SSPN: variants seen among roughly 807,000 people sequenced by gnomAD.
The protein encoded by SSPN is K-ras oncogene-associated protein.
In SSPN, 15 loss-of-function variants were observed where a neutral mutation model predicts 19.1. The observed-to-expected ratio is 0.78, with a 90% confidence interval of 0.52 to 1.21. The LOEUF (loss-of-function observed/expected upper bound fraction) is 1.21. Ranked by LOEUF, SSPN falls within the 50% of genes most tolerant of loss-of-function variation. The probability of loss-of-function intolerance (pLI) is 0.00; values close to 1 mark genes in which losing one functional copy is unlikely to be tolerated. For missense variants in SSPN, 291 were observed against 314.0 expected (o/e 0.93, Z 0.55); for synonymous variants, 147 against 140.3 (o/e 1.05, Z -0.34).
At chr12:26,137,656 A>ATATATATATATT (rs1377562695) in intron 1 of SSPN, among the ~76,000 whole-genome samples, 1 of 76,438 alleles carries the variant, frequency 1.3e-5, no homozygotes, top group Non-Finnish European at 2.2e-5. Context: ...ATATATATAT[A>ATATATATATATT]TTTTTTTTTT....
chr12:26,215,834 TG>T (rs942682615), intron 1 of SSPN, among the ~76,000 whole-genome samples: 1 of 152,208 alleles, frequency 6.6e-6, no homozygotes, highest in Non-Finnish European at 1.5e-5. Flanking sequence ...AATGAAGACA[TG>T]GGGATTTCTC....
intron 1 of SSPN, among the ~76,000 whole-genome samples, chr12:26,201,042 T>A (rs1326253193): frequency 1.1e-3 from 58 of 50,656 alleles, no homozygotes; most frequent in South Asian, 4.6e-3. Context: ...TATATATATA[T>A]ATATTATATA....
intron 1 of SSPN, among the ~76,000 whole-genome samples, chr12:26,172,801 C>A (rs1455169689): frequency 2.7e-5 from 4 of 150,554 alleles, no homozygotes; most frequent in Non-Finnish European, 4.4e-5. Flanking sequence ...CTTGCTCTGT[C>A]GCCAGGCTGG....
chr12:26,185,519 C>G (rs1944747937), intron 1 of SSPN, among the ~76,000 whole-genome samples: 1 of 152,146 alleles, frequency 6.6e-6, no homozygotes, highest in Non-Finnish European at 1.5e-5. Context: ...GATTATACCT[C>G]TACCCCCCTG....
At chr12:26,230,478 G>T (rs1231530150) in intron 2 of SSPN, among the ~76,000 whole-genome samples, 1 of 152,086 alleles carries the variant, frequency 6.6e-6, no homozygotes, top group Non-Finnish European at 1.5e-5. Context: ...TCTTGAAAAG[G>T]GCCCAACATC....
At position 26,136,923 on chromosome 12, in the gene SSPN, G is replaced by A. The variant is rs780166189; in HGVS notation, c.-31+14771G>A. Among the ~76,000 whole-genome samples the A allele has an allele frequency of 9.9e-5, 15 of 152,276 alleles. 1 individual carries two copies. Among genetic ancestry groups the A allele is most frequent in the African/African-American group, 3.4e-4 (14 of 41,568 alleles). On this transcript the variant is annotated intron_variant, in intron 1 of 2. Transcript: ENST00000538142. ...AAATCCTGTTAGTCCATGCTTTGTC[G>A]TAAGTTAAAGCCTTGGTCAGGTCTT...
chr12:26,167,952 A>G (rs1408183047), intron 1 of SSPN, among the ~76,000 whole-genome samples: 4 of 152,190 alleles, frequency 2.6e-5, no homozygotes, highest in African/African-American at 9.7e-5. Context: ...GGTGGCTTAC[A>G]GCTGTAATCC....
At chr12:26,161,392 A>G (rs551247614) in intron 1 of SSPN, among the ~76,000 whole-genome samples, 2 of 152,014 alleles carry the variant, frequency 1.3e-5, no homozygotes, top group African/African-American at 4.8e-5. Context: ...AGTCTTCCCA[A>G]TGGCATCCTC....
intron 1 of SSPN, among the ~76,000 whole-genome samples, chr12:26,141,403 A>G (rs750701333): frequency 6.6e-5 from 10 of 152,240 alleles, no homozygotes; most frequent in East Asian, 1.9e-4. Context: ...GTTTAGCCCA[A>G]TGAGAACCAT....
chr12:26,232,407 T>C lies in SSPN; in HGVS notation c.*1331T>C, dbSNP rs1318659986. On this transcript the variant is annotated 3_prime_UTR_variant, in exon 3 of 3. Coordinates refer to ENST00000242729, the MANE Select transcript of SSPN (RefSeq NM_005086.5). The stretch of plus-strand genomic sequence containing the variant: ...GCTATTAAATTCTGAACTGTATCCA[T>C]ATTTTAAGGAAGGAGCTAAAAATGG... 3.6e-5 allele frequency: 35 copies of C among 985,318 alleles called. No individual in the cohort carries two copies. The highest frequency in any genetic ancestry group is 4.0e-5 in the Non-Finnish European group (33 of 829,914). 61.0% of individuals were successfully genotyped at this position (985,318 alleles called of 1,614,324 possible).
chr12:26,147,469 C>T lies in SSPN; in HGVS notation c.-31+25317C>T, dbSNP rs187039668. On this transcript the variant is annotated intron_variant, in intron 1 of 2. Transcript: ENST00000538142. The stretch of plus-strand genomic sequence containing the variant: ...GTATTTTTGTAGAGATGGGGTTTTA[C>T]CATGTTGGCCAGGTTGGTCTTGAAC... Among the ~76,000 whole-genome samples, 30 of 152,266 alleles carry T rather than the reference C, an allele frequency of 2.0e-4. No homozygotes were observed. The East Asian group carries it at 5.8e-3, about 29-fold the overall frequency.
chr12:26,220,247 CAAA>C (rs58022147), intron 1 of SSPN, among the ~76,000 whole-genome samples: 29,418 of 114,220 alleles, frequency 0.26, 3,386 homozygotes, highest in South Asian at 0.51. Flanking sequence ...AAGCTGTAGG[CAAA>C]AAAAAAAAAA....
intron 1 of SSPN, among the ~76,000 whole-genome samples, chr12:26,216,192 G>A (rs1204003744): frequency 2.0e-5 from 3 of 152,038 alleles, no homozygotes; most frequent in East Asian, 1.9e-4. Flanking sequence ...TAACCATTTC[G>A]ATAAACCCTA....
At chr12:26,210,050 T>C (rs890004544) in intron 1 of SSPN, among the ~76,000 whole-genome samples, 1 of 152,024 alleles carries the variant, frequency 6.6e-6, no homozygotes. Flanking sequence ...TTACTTATTA[T>C]GAAAAATTTC....
chr12:26,199,901 A>G (rs183534269), intron 1 of SSPN, among the ~76,000 whole-genome samples: 39 of 152,352 alleles, frequency 2.6e-4, no homozygotes, highest in Admixed American at 2.5e-3. Flanking sequence ...GACAGTAATG[A>G]ATACTTCCGA....
intron 1 of SSPN, among the ~76,000 whole-genome samples, chr12:26,204,954 C>T (rs1233184629): frequency 6.6e-6 from 1 of 152,212 alleles, no homozygotes; most frequent in Admixed American, 6.5e-5. Context: ...AAAGTTGATG[C>T]TCTCTGAGCT....
At chr12:26,227,268 G>T (rs1945188181) in intron 2 of SSPN, among the ~76,000 whole-genome samples, 1 of 152,092 alleles carries the variant, frequency 6.6e-6, no homozygotes. Context: ...GGCTTTAGGG[G>T]GGATCGAGTA....
chr12:26,221,440 A>G (rs556056552), intron 1 of SSPN, among the ~76,000 whole-genome samples: 2 of 152,302 alleles, frequency 1.3e-5, no homozygotes, highest in Admixed American at 1.3e-4. Flanking sequence ...CTGTTTTGCC[A>G]TCTCTCATTT....
At chr12:26,166,244 C>T (rs1944620448) in intron 1 of SSPN, among the ~76,000 whole-genome samples, 1 of 152,100 alleles carries the variant, frequency 6.6e-6, no homozygotes, top group Middle Eastern at 3.2e-3. Flanking sequence ...ATGTTCTGCA[C>T]ATGTATCCCA....
Sources: gnomAD v4.1 joint callset for allele counts (sites outside exome capture counted in the v4.1 genomes callset) on GRCh38, gnomAD v4.1.1 for gene constraint, MANE v1.5 for transcripts, NCBI Gene and HGNC (gene_info 2026-07-23, HGNC 2026-07-21) for gene names.